The following A2ML1 variants were observed in gnomAD, a reference collection of about 807,000 sequenced individuals.
A2ML1 encodes alpha-2-macroglobulin like 1, also known as alpha-2-macroglobulin-like protein 1.
In A2ML1, 161 loss-of-function variants were observed where a neutral mutation model predicts 181.9. The ratio of observed to expected loss-of-function variants is 0.89; its 90% CI spans 0.78 to 1.01. The LOEUF is 1.01. Among genes scored for constraint, A2ML1 ranks in the 50% least tolerant of loss-of-function variants. A2ML1 has a pLI of 0.00. For synonymous variants in A2ML1, 663 were observed against 666.8 expected (o/e 0.99, Z 0.09); for missense variants, 1,670 against 1,768.1 (o/e 0.94, Z 1.00).
At chr12:8,838,846 T>C (rs1294061721) in intron 9 of A2ML1, among the ~76,000 whole-genome samples, 1 of 138,482 alleles carries the variant, frequency 7.2e-6, no homozygotes, top group Admixed American at 8.1e-5. Context: ...ACCCAGGAGG[T>C]GGAGCTTGCA....
At chr12:8,859,004 C>T (rs913041084) in intron 26 of A2ML1, among the ~76,000 whole-genome samples, 2 of 152,000 alleles carry the variant, frequency 1.3e-5, no homozygotes, top group Non-Finnish European at 2.9e-5. Flanking sequence ...TTATTAATCC[C>T]ATTTTACAGA....
intron 32 of A2ML1, 108 bp downstream of exon 32, chr12:8,868,735 AAGG>A: frequency 1.2e-5 from 10 of 813,686 alleles, no homozygotes; most frequent in Non-Finnish European, 1.8e-5. Flanking sequence ...ACACACACAC[AAGG>A]CATGTATATA....
In A2ML1 at chr12:8,874,456, C is replaced by T. The variant is rs1475038231; in HGVS notation, c.4253C>T (p.Thr1418Ile). The change falls in exon 34 of 36, where the codon ACC becomes ATC. Residue 1418 changes from threonine to isoleucine, a missense_variant. Transcript: ENST00000299698. ...AAGAACACTCAGACTTACACCTTCA[C>T]CATCAGCCAAAGTGTGCTGGTCACC... ...LIKNTQTYTF[T>I]ISQSVLVTNL... is the part of the protein sequence containing the mutation. 1 of 1,614,114 alleles carries T rather than the reference C, an allele frequency of 6.2e-7. No individual in the cohort carries two copies. The highest frequency in any genetic ancestry group is 8.5e-7 in the Non-Finnish European group (1 of 1,179,998).
downstream of A2ML1, among the ~76,000 whole-genome samples, chr12:8,880,318 A>T (rs1016205409): frequency 1.3e-5 from 2 of 152,116 alleles, no homozygotes; most frequent in African/African-American, 4.8e-5. Context: ...GTGAGCGGAG[A>T]TTGTAGCACT....
At position 8,835,624 on chromosome 12, in the gene A2ML1, G is replaced by T. The variant is rs769291128; in HGVS notation, c.601G>T (p.Ala201Ser). Residue 201 changes from alanine (A) to serine (S), a missense_variant, in exon 6 of 36, where the codon GCT becomes TCT. Physicochemically the swap from Ala to Ser is moderately conservative, Grantham distance 99. Transcript: ENST00000299698. Reference sequence around the variant, plus strand: ...GCTGGGCACCTACACTGTGGCAGTGGCTGAGGGCAAGACCTTTGGTACTTT... The same window carrying T: ...GCTGGGCACCTACACTGTGGCAGTGTCTGAGGGCAAGACCTTTGGTACTTT... The part of the protein sequence containing the change: ...AMLGTYTVAV[A>S]EGKTFGTFSV... The T allele has an allele frequency of 2.5e-6, 4 of 1,614,220 alleles. No homozygotes were observed. The highest frequency in any genetic ancestry group is 1.3e-5 in the African/African-American group (1 of 75,062).
Position 8,829,711 on chromosome 12 carries a change from G to C in A2ML1, c.410-16G>C. ...AGGAAACATCCCCTTTGCTAATGAT[G>C]CCTGTTCCTTTCCAGTGTATTTCCG... On this transcript the variant is annotated splice_polypyrimidine_tract_variant and intron_variant, in intron 3 of 35. Coordinates refer to ENST00000299698, the MANE Select transcript of A2ML1 (RefSeq NM_144670.6). 1 of 1,607,338 alleles carries C rather than the reference G, an allele frequency of 6.2e-7. No homozygotes were observed. The highest frequency in any genetic ancestry group is 8.5e-7 in the Non-Finnish European group (1 of 1,174,374).
At chr12:8,839,316 C>G in intron 10 of A2ML1, 94 bp downstream of exon 10, 1 of 778,602 alleles carries the variant, frequency 1.3e-6, no homozygotes, top group African/African-American at 1.7e-5. Flanking sequence ...TAACTTAGTG[C>G]TGTTCCAAGT....
chr12:8,860,035 A>AT lies in A2ML1; in HGVS notation c.3265-843dup, dbSNP rs1355197239. On this transcript the variant is annotated intron_variant, in intron 26 of 35. Coordinates refer to ENST00000299698, the MANE Select transcript of A2ML1 (RefSeq NM_144670.6). ...CGTGAGCAAGCTATTTAATCTTTTT[A>AT]TTTATTTACTTATTCATTTTTTTGA... Among the ~76,000 whole-genome samples the AT allele has an allele frequency of 3.3e-5, 5 of 152,000 alleles. No individual in the cohort carries two copies. In the East Asian group the frequency reaches 9.7e-4, roughly 29 times the overall value.
rs368671138 is a variant in A2ML1, at chr12:8,847,694, G to A, written c.1829G>A (p.Arg610His). The change falls in exon 15 of 36, where the codon CGC becomes CAC. Residue 610 changes from arginine (R) to histidine (H), a missense_variant. Coordinates refer to ENST00000299698, the MANE Select transcript of A2ML1 (RefSeq NM_144670.6). Reference protein sequence around the residue: ...LLRPDRELSNRSVYGMFPFWY... With the variant: ...LLRPDRELSNHSVYGMFPFWY... Reference sequence around the variant, plus strand: ...AGGCCAGACAGAGAGCTGAGCAACCGCTCTGTGAGTAACTGTCTGCTGACA... The same window carrying A: ...AGGCCAGACAGAGAGCTGAGCAACCACTCTGTGAGTAACTGTCTGCTGACA... 9.3e-6 allele frequency: 15 copies of A among 1,609,732 alleles called. No homozygotes were observed. The highest frequency in any genetic ancestry group is 2.2e-5 in the East Asian group (1 of 44,506).
chr12:8,836,715 C>T (rs1158523917), intron 7 of A2ML1, among the ~76,000 whole-genome samples: 1 of 152,108 alleles, frequency 6.6e-6, no homozygotes, highest in East Asian at 1.9e-4. Context: ...GACTCCTGAC[C>T]TCAGGTGATC....
chr12:8,881,843 G>C (rs898187086), intron 7 of A2ML1, among the ~76,000 whole-genome samples: 40 of 151,654 alleles, frequency 2.6e-4, no homozygotes, highest in African/African-American at 8.0e-4. Flanking sequence ...AACCCCGTCT[G>C]TACTAAAAAT....
chr12:8,879,579 T>C (rs756710946), downstream of A2ML1, among the ~76,000 whole-genome samples: 4 of 152,134 alleles, frequency 2.6e-5, no homozygotes, highest in Admixed American at 1.3e-4. Flanking sequence ...TCTGCAGCAC[T>C]TACCAGAGCA....
downstream of A2ML1, chr12:8,880,535 T>A (rs188841896): frequency 6.6e-6 from 1 of 152,312 alleles, no homozygotes; most frequent in Admixed American, 6.5e-5. Context: ...AAGATCATTC[T>A]AGCAGTAATG....
chr12:8,835,961 T>G (rs1418475124), intron 6 of A2ML1, among the ~76,000 whole-genome samples: 7 of 132,490 alleles, frequency 5.3e-5, no homozygotes, highest in Non-Finnish European at 1.1e-4. Flanking sequence ...TGCAGTGAGC[T>G]GACATCACGC....
At position 8,834,703 on chromosome 12, in the gene A2ML1, C is replaced by T. The variant is rs200991926; in HGVS notation, c.483+21C>T. The T allele has an allele frequency of 5.0e-6, 8 of 1,613,940 alleles. No homozygotes were observed. In the East Asian group the frequency reaches 1.8e-4, roughly 36 times the overall value. ...TACAGGTAAGCGGAAGTTTCTTTCT[C>T]TTCTCTGTCAGTTGTGGAAGAGGAA... On this transcript the variant is annotated intron_variant, in intron 5 of 35. Transcript: ENST00000299698.
intron 11 of A2ML1, 42 bp downstream of exon 11, chr12:8,841,578 T>C: frequency 6.4e-7 from 1 of 1,573,716 alleles, no homozygotes; most frequent in Non-Finnish European, 8.6e-7. Flanking sequence ...AAGGAAGGCT[T>C]CCCTGAAGGA....
chr12:8,863,255 C>T (rs758843311), intron 28 of A2ML1, among the ~76,000 whole-genome samples: 22 of 152,104 alleles, frequency 1.4e-4, no homozygotes, highest in South Asian at 4.2e-4. Context: ...TAGAGGCACG[C>T]GCCACCACGC....
chr12:8,854,105 G>A, intron 20 of A2ML1, 23 bp from the exon 21 acceptor site: 1 of 1,556,274 alleles, frequency 6.4e-7, no homozygotes, highest in Non-Finnish European at 8.7e-7. Flanking sequence ...AGGGCTAATG[G>A]CTTCCCTTCT....
chr12:8,863,254 G>A (rs879464142), intron 28 of A2ML1, among the ~76,000 whole-genome samples: 3 of 151,900 alleles, frequency 2.0e-5, no homozygotes, highest in Admixed American at 1.3e-4. Flanking sequence ...TTAGAGGCAC[G>A]CGCCACCACG....
Sources: gnomAD v4.1 joint callset for allele counts (sites outside exome capture counted in the v4.1 genomes callset) on GRCh38, gnomAD v4.1.1 for gene constraint, MANE v1.5 for transcripts, NCBI Gene and HGNC (gene_info 2026-07-23, HGNC 2026-07-21) for gene names.